The following SH3RF3 variants were observed in gnomAD, a reference collection of about 807,000 sequenced individuals.
SH3RF3 encodes the protein SH3 domain containing ring finger 3, also known as E3 ubiquitin-protein ligase SH3RF3.
Under a neutral mutation model 66.3 loss-of-function variants are expected in SH3RF3, and 29 were observed. The observed-to-expected ratio is 0.44, with a 90% CI of 0.33 to 0.60. SH3RF3 has a LOEUF of 0.60. Ranked by LOEUF, SH3RF3 falls within the 20% of genes least tolerant of loss-of-function variation. The probability of loss-of-function intolerance (pLI) is 0.04; values close to 1 mark genes in which losing one functional copy is unlikely to be tolerated. For missense variants in SH3RF3, 1,194 were observed against 1,190.9 expected (o/e 1.00, Z -0.04); for synonymous variants, 583 against 532.0 (o/e 1.10, Z -1.32).
chr2:109,312,979 A>T (rs1158580608), intron 1 of SH3RF3, among the ~76,000 whole-genome samples: 2 of 152,114 alleles, frequency 1.3e-5, no homozygotes, highest in Admixed American at 6.5e-5. Context: ...TTTCACTTTT[A>T]TCTACAGTAA....
intron 1 of SH3RF3, among the ~76,000 whole-genome samples, chr2:109,236,209 C>G (rs1679645505): frequency 6.6e-6 from 1 of 152,200 alleles, no homozygotes; most frequent in Admixed American, 6.5e-5. Context: ...AAAACTGCCT[C>G]CCAATTACAA....
Position 109,460,162 on chromosome 2 carries a change from G to T in SH3RF3, c.2148+10673G>T, listed in dbSNP as rs567811382. Among the ~76,000 whole-genome samples, 12 of 152,336 alleles carry T rather than the reference G, an allele frequency of 7.9e-5. No individual in the cohort carries two copies. In the East Asian group the frequency reaches 2.3e-3, roughly 29 times the overall value. Reference sequence around the variant, plus strand: ...GAGCTCCTCAGTCAGAAGCAGTGCTGTGTGGAATACCGTGATGGTGGTTAA... The same window carrying T: ...GAGCTCCTCAGTCAGAAGCAGTGCTTTGTGGAATACCGTGATGGTGGTTAA... On this transcript the variant is annotated intron_variant, in intron 8 of 9. Coordinates refer to ENST00000309415, the MANE Select transcript of SH3RF3 (RefSeq NM_001099289.3).
intron 5 of SH3RF3, among the ~76,000 whole-genome samples, chr2:109,429,762 A>C (rs961717964): frequency 1.3e-5 from 2 of 151,936 alleles, no homozygotes; most frequent in Admixed American, 6.6e-5. Context: ...GCTGTGAAAC[A>C]TGTGCAAGAA....
At chr2:109,230,369 G>A (rs1040019489) in intron 1 of SH3RF3, among the ~76,000 whole-genome samples, 1 of 152,042 alleles carries the variant, frequency 6.6e-6, no homozygotes, top group Non-Finnish European at 1.5e-5. Context: ...TTGAGGCCAG[G>A]AGTTTGAGAC....
At chr2:109,214,224 G>A (rs1020200983) in intron 1 of SH3RF3, among the ~76,000 whole-genome samples, 3 of 152,166 alleles carry the variant, frequency 2.0e-5, no homozygotes, top group African/African-American at 7.2e-5. Context: ...GTCAGCATGT[G>A]GTTTATGGGT....
In SH3RF3 at chr2:109,294,033, A is replaced by G. The variant is rs183239141; in HGVS notation, c.574-53641A>G. 1.3e-3 allele frequency among the ~76,000 whole-genome samples: 204 copies of G among 152,240 alleles called. 1 individual carries two copies. Among genetic ancestry groups the G allele is most frequent in the African/African-American group, 4.6e-3 (190 of 41,554 alleles). The stretch of plus-strand genomic sequence containing the variant: ...TGGTTGTGTCACATCCCTTCTTGGA[A>G]TGGTCTTTTCTCTGCCTGGAAAGTG... On this transcript the variant is annotated intron_variant, in intron 1 of 9. Transcript: ENST00000309415.
chr2:109,243,784 T>A (rs1272896044), intron 1 of SH3RF3, among the ~76,000 whole-genome samples: 1 of 151,856 alleles, frequency 6.6e-6, no homozygotes, highest in Non-Finnish European at 1.5e-5. Flanking sequence ...AGGAAAGGAG[T>A]TTGGGACATG....
At chr2:109,443,559 G>A (rs137861511) in intron 7 of SH3RF3, among the ~76,000 whole-genome samples, 53 of 152,270 alleles carry the variant, frequency 3.5e-4, no homozygotes, top group African/African-American at 1.2e-3. Context: ...CCAATAATGA[G>A]AATAGATTAT....
chr2:109,405,040 C>T (rs1311147718), intron 4 of SH3RF3, among the ~76,000 whole-genome samples: 1 of 150,900 alleles, frequency 6.6e-6, no homozygotes, highest in Non-Finnish European at 1.5e-5. Flanking sequence ...ATCTCTAGCC[C>T]CTACATCTAC....
rs569509984 is a variant in SH3RF3 at position 109,495,477 on chromosome 2, C to CTTTTTTTTTTTTTTTTT, written c.2480+4557_2480+4573dup. Among the ~76,000 whole-genome samples, 4 of 94,240 alleles carry CTTTTTTTTTTTTTTTTT rather than the reference C, an allele frequency of 4.2e-5. 1 individual carries two copies. Among genetic ancestry groups the CTTTTTTTTTTTTTTTTT allele is most frequent in the African/African-American group, 1.8e-4 (4 of 21,870 alleles). 61.8% of individuals were successfully genotyped at this position (94,240 alleles called of 152,430 possible). A position where few individuals can be genotyped will look rare whatever the true frequency, so the allele number is the denominator to read the frequency against. ...ATTTCATCCTGAATATCTTTCATTC[C>CTTTTTTTTTTTTTTTTT]TTTTTTTTTTTTTTTTTTTTTTTTT... is the stretch of plus-strand genomic sequence containing the variant. On this transcript the variant is annotated intron_variant, in intron 9 of 9. Coordinates refer to ENST00000309415, the MANE Select transcript of SH3RF3 (RefSeq NM_001099289.3).
chr2:109,227,148 G>A (rs1478792408), intron 1 of SH3RF3, among the ~76,000 whole-genome samples: 1 of 152,174 alleles, frequency 6.6e-6, no homozygotes, highest in African/African-American at 2.4e-5. Flanking sequence ...TGAGTGAACT[G>A]ATGGCAGTGG....
chr2:109,281,714 G>A (rs1195318427), intron 1 of SH3RF3, among the ~76,000 whole-genome samples: 1 of 152,116 alleles, frequency 6.6e-6, no homozygotes, highest in Non-Finnish European at 1.5e-5. Flanking sequence ...AGAAGAGTCC[G>A]TATCTGATTT....
intron 5 of SH3RF3, among the ~76,000 whole-genome samples, chr2:109,426,978 ATT>A (rs142007361): frequency 0.52 from 77,360 of 148,550 alleles, 20,132 homozygotes; most frequent in African/African-American, 0.6. Flanking sequence ...ATATATATAT[ATT>A]TTTTTTTGAG....
At chr2:109,283,487 G>A (rs1680943924) in intron 1 of SH3RF3, among the ~76,000 whole-genome samples, 2 of 152,140 alleles carry the variant, frequency 1.3e-5, no homozygotes, top group African/African-American at 4.8e-5. Context: ...AGAGACCCCT[G>A]GTGTTGTCCA....
chr2:109,219,764 A>G (rs1353319019), intron 1 of SH3RF3, among the ~76,000 whole-genome samples: 5 of 152,250 alleles, frequency 3.3e-5, no homozygotes, highest in Non-Finnish European at 7.3e-5. Flanking sequence ...ACTGAAAACT[A>G]CAACATGTTT....
chr2:109,482,352 A>G (rs534017763), intron 8 of SH3RF3, among the ~76,000 whole-genome samples: 4 of 152,340 alleles, frequency 2.6e-5, no homozygotes, highest in Admixed American at 1.3e-4. Context: ...GGCTAAGAGC[A>G]GTTCAGGAAC....
At chr2:109,496,331 A>G (rs36179089) in intron 9 of SH3RF3, among the ~76,000 whole-genome samples, 17,672 of 151,940 alleles carry the variant, frequency 0.12, 1,528 homozygotes, top group East Asian at 0.29. Context: ...GCATTTTACA[A>G]TCCTCTTGCT....
At chr2:109,335,586 T>TC (rs1682395116) in intron 1 of SH3RF3, among the ~76,000 whole-genome samples, 1 of 152,016 alleles carries the variant, frequency 6.6e-6, no homozygotes, top group Admixed American at 6.5e-5. Flanking sequence ...GGTTTATGTG[T>TC]CCCCTTAGCA....
At position 109,315,780 on chromosome 2, in the gene SH3RF3, G is replaced by A. The variant is rs544378756; in HGVS notation, c.574-31894G>A. Among the ~76,000 whole-genome samples the A allele has an allele frequency of 6.6e-5, 10 of 152,252 alleles. No homozygotes were observed. In the East Asian group the frequency reaches 7.7e-4, roughly 12 times the overall value. ...CATTTAGAGTATTCAGGTGAATGCC[G>A]GTTGCTGCCTTGGTGTGGAAGGGAC... On this transcript the variant is annotated intron_variant, in intron 1 of 9. Transcript: ENST00000309415.
Sources: gnomAD v4.1 joint callset for allele counts (sites outside exome capture counted in the v4.1 genomes callset) on GRCh38, gnomAD v4.1.1 for gene constraint, MANE v1.5 for transcripts, NCBI Gene and HGNC (gene_info 2026-07-23, HGNC 2026-07-21) for gene names.